The following CCSER1 variants were observed in gnomAD, a reference collection of about 807,000 sequenced individuals.
The protein encoded by CCSER1 is serine-rich coiled-coil domain-containing protein 1.
In CCSER1, 41 loss-of-function variants were observed where a neutral mutation model predicts 82.0. That is an observed-to-expected ratio of 0.50 (90% CI 0.39 to 0.65). The LOEUF is 0.65. CCSER1 is among the 30% of genes least tolerant of loss of function. The probability of loss-of-function intolerance (pLI) is 0.00; values close to 1 mark genes in which losing one functional copy is unlikely to be tolerated. For missense variants in CCSER1, 1,119 were observed against 1,064.2 expected, an observed-to-expected ratio of 1.05 and a Z score of -0.72; for synonymous variants, 414 against 383.9, an observed-to-expected ratio of 1.08 and a Z score of -0.92.
intron 7 of CCSER1, among the ~76,000 whole-genome samples, chr4:90,757,049 T>A (rs1301499226): frequency 1.1e-4 from 16 of 152,200 alleles, no homozygotes; most frequent in Admixed American, 9.8e-4. Context: ...TCATAAAAAA[T>A]TATTTTCCTT....
At chr4:90,494,291 C>G (rs1304232768) in intron 5 of CCSER1, among the ~76,000 whole-genome samples, 1 of 152,282 alleles carries the variant, frequency 6.6e-6, no homozygotes, top group African/African-American at 2.4e-5. Context: ...GACAAAGAGA[C>G]TTAGACTCCC....
chr4:90,829,021 T>C (rs572301232), intron 8 of CCSER1, among the ~76,000 whole-genome samples: 10 of 151,798 alleles, frequency 6.6e-5, no homozygotes, highest in Non-Finnish European at 1.0e-4. Flanking sequence ...AAATGCAAAA[T>C]GGGTATCACC....
At chr4:91,579,756 A>G (rs931955700) in intron 10 of CCSER1, among the ~76,000 whole-genome samples, 48 of 152,016 alleles carry the variant, frequency 3.2e-4, no homozygotes, top group Admixed American at 2.6e-3. Context: ...GGAATGTAGC[A>G]TGAATAGGGG....
At chr4:90,994,076 G>A (rs1299290427) in intron 9 of CCSER1, among the ~76,000 whole-genome samples, 1 of 151,956 alleles carries the variant, frequency 6.6e-6, no homozygotes, top group Admixed American at 6.6e-5. Context: ...GCATGCTCAC[G>A]TAGTCCCGGC....
chr4:90,610,300 T>TTAAA (rs1560807251), intron 5 of CCSER1, among the ~76,000 whole-genome samples: 4 of 130,216 alleles, frequency 3.1e-5, no homozygotes, highest in African/African-American at 1.2e-4. Flanking sequence ...AATAAATAAA[T>TTAAA]AAAATGTGAT....
chr4:90,398,021 A>T (rs145684201), intron 3 of CCSER1, among the ~76,000 whole-genome samples: 154 of 152,302 alleles, frequency 1.0e-3, no homozygotes, highest in Non-Finnish European at 2.0e-3. Context: ...GTTTTCTCAC[A>T]GTTCTGGAAG....
chr4:91,067,288 C>A (rs1720923508), intron 9 of CCSER1, among the ~76,000 whole-genome samples: 1 of 151,602 alleles, frequency 6.6e-6, no homozygotes, highest in African/African-American at 2.4e-5. Flanking sequence ...ACTGGAAAGA[C>A]TGTGTATGCT....
chr4:90,332,254 G>GT (rs553773315), intron 3 of CCSER1, among the ~76,000 whole-genome samples: 4,502 of 144,494 alleles, frequency 0.031, 77 homozygotes, highest in South Asian at 0.048. Context: ...TTGAGATGGA[G>GT]TTTTTTTTTT....
intron 7 of CCSER1, among the ~76,000 whole-genome samples, chr4:90,751,728 C>G (rs1244379112): frequency 6.6e-6 from 1 of 151,884 alleles, no homozygotes; most frequent in Non-Finnish European, 1.5e-5. Context: ...GAAGTTTATT[C>G]TTTTATTATC....
chr4:90,559,250 T>TA (rs1205797340), intron 5 of CCSER1, among the ~76,000 whole-genome samples: 1 of 152,202 alleles, frequency 6.6e-6, no homozygotes, highest in Non-Finnish European at 1.5e-5. Flanking sequence ...CTACTTTTTT[T>TA]ATAGGTTCTA....
At chr4:90,697,577 G>A (rs138592673) in intron 6 of CCSER1, among the ~76,000 whole-genome samples, 348 of 151,628 alleles carry the variant, frequency 2.3e-3, no homozygotes, top group African/African-American at 7.8e-3. Flanking sequence ...CATTTCCCCC[G>A]CCCACAATCA....
chr4:90,209,952 C>G (rs1050433656), intron 1 of CCSER1, among the ~76,000 whole-genome samples: 7 of 151,964 alleles, frequency 4.6e-5, no homozygotes, highest in African/African-American at 1.7e-4. Flanking sequence ...GTACTTTAAT[C>G]AGGCAGTTTT....
At chr4:91,186,812 A>G (rs1261652137) in intron 10 of CCSER1, among the ~76,000 whole-genome samples, 3 of 152,254 alleles carry the variant, frequency 2.0e-5, no homozygotes, top group Non-Finnish European at 4.4e-5. Context: ...TAAGGCACAG[A>G]TTGCTCATGC....
chr4:90,574,355 G>A (rs28454680), intron 5 of CCSER1, among the ~76,000 whole-genome samples: 40,317 of 142,254 alleles, frequency 0.28, 5,851 homozygotes, highest in East Asian at 0.53. Flanking sequence ...TGCAAGCTCC[G>A]CTTCCCGGGT....
chr4:90,476,736 ATC>A lies in CCSER1; in HGVS notation c.1724+8388_1724+8389del, dbSNP rs547279278. ...CCTTGATTGACAGTGTTGTTATTTT[ATC>A]TCTCTGCTGTTTATTGCTCCTTAGT... is the stretch of plus-strand genomic sequence containing the variant. On this transcript the variant is annotated intron_variant, in intron 5 of 10. Transcript: ENST00000509176. 3.9e-5 allele frequency among the ~76,000 whole-genome samples: 6 copies of A among 152,274 alleles called. No homozygotes were observed. In the East Asian group the frequency reaches 1.2e-3, roughly 29 times the overall value.
At chr4:91,290,658 T>C (rs577523990) in intron 10 of CCSER1, among the ~76,000 whole-genome samples, 1 of 152,098 alleles carries the variant, frequency 6.6e-6, no homozygotes, top group South Asian at 2.1e-4. Context: ...GTATTTCATG[T>C]TGTTACAGTT....
At chr4:90,218,433 C>G (rs1427289320) in intron 1 of CCSER1, among the ~76,000 whole-genome samples, 1 of 152,076 alleles carries the variant, frequency 6.6e-6, no homozygotes, top group East Asian at 1.9e-4. Context: ...ACTTTTGTAA[C>G]AAACTTGCAC....
intron 9 of CCSER1, among the ~76,000 whole-genome samples, chr4:91,025,643 A>C (rs10030101): frequency 0.46 from 70,476 of 151,894 alleles, 16,576 homozygotes; most frequent in East Asian, 0.67. Flanking sequence ...TAAGAACTAG[A>C]ACACTGTGCC....
chr4:90,701,499 T>C (rs1255660122), intron 6 of CCSER1, among the ~76,000 whole-genome samples: 1 of 152,196 alleles, frequency 6.6e-6, no homozygotes, highest in Non-Finnish European at 1.5e-5. Flanking sequence ...AACTTTAAAT[T>C]AGTTTTTTCC....
Sources: allele counts gnomAD v4.1 joint callset (sites outside exome capture counted in the v4.1 genomes callset), GRCh38; gene constraint gnomAD v4.1.1; transcripts MANE v1.5; gene names NCBI Gene and HGNC (gene_info 2026-07-23, HGNC 2026-07-21).